TREM1: variants seen among roughly 807,000 people sequenced by gnomAD.
TREM1 encodes the protein triggering receptor expressed on myeloid cells 1, also known as triggering receptor expressed on monocytes 1.
In TREM1, 16 loss-of-function variants were observed where a neutral mutation model predicts 22.4. The ratio of observed to expected loss-of-function variants is 0.71; its 90% CI spans 0.48 to 1.08. The LOEUF is 1.08. Ranked by LOEUF, TREM1 falls within the 50% of genes least tolerant of loss-of-function variation. The pLI is 0.00. For synonymous variants in TREM1, 110 were observed against 111.6 expected (o/e 0.99, Z 0.09); for missense variants, 283 against 282.9 (o/e 1.00, Z 0.00).
At chr6:41,267,749 G>A (rs6458210), downstream of TREM1, among the ~76,000 whole-genome samples, 38,745 of 151,982 alleles carry the variant, frequency 0.25, 7,352 homozygotes, top group African/African-American at 0.54. Context: ...TACACATTAA[G>A]AAAACACATG....
downstream of TREM1, among the ~76,000 whole-genome samples, chr6:41,270,892 A>G (rs1767463752): frequency 6.6e-6 from 1 of 152,158 alleles, no homozygotes. Context: ...CTTTCTAGAA[A>G]CAGGGATCTC....
At chr6:41,267,753 A>G (rs1345620036), downstream of TREM1, among the ~76,000 whole-genome samples, 2 of 152,182 alleles carry the variant, frequency 1.3e-5, no homozygotes, top group Non-Finnish European at 2.9e-5. Flanking sequence ...CATTAAGAAA[A>G]CACATGAAAC....
At chr6:41,283,719 A>AC (rs1554147926) in intron 1 of TREM1, among the ~76,000 whole-genome samples, 11,855 of 146,886 alleles carry the variant, frequency 0.081, 475 homozygotes, top group South Asian at 0.14. Flanking sequence ...TAAAAAAAAA[A>AC]ACACACACAC....
chr6:41,283,456 A>G (rs2113994128), intron 1 of TREM1, among the ~76,000 whole-genome samples: 1 of 152,242 alleles, frequency 6.6e-6, no homozygotes, highest in Middle Eastern at 3.4e-3. Flanking sequence ...CACGCATGTA[A>G]TCCCACACTT....
At chr6:41,273,185 G>C (rs1767533779), downstream of TREM1, among the ~76,000 whole-genome samples, 1 of 152,166 alleles carries the variant, frequency 6.6e-6, no homozygotes, top group African/African-American at 2.4e-5. Flanking sequence ...TAGCATGGTG[G>C]CCTCCAGTAT....
At chr6:41,268,107 G>A (rs1767379233) in intron 3 of TREM1, 2 of 398,444 alleles carry the variant, frequency 5.0e-6, no homozygotes, top group Non-Finnish European at 8.8e-6. Flanking sequence ...TCAAGCGGGG[G>A]AAATGATTGG....
chr6:41,283,278 T>C (rs1266154888), intron 1 of TREM1, among the ~76,000 whole-genome samples: 3 of 152,160 alleles, frequency 2.0e-5, no homozygotes, highest in African/African-American at 7.2e-5. Context: ...CATGGATATC[T>C]GACTGCCTGG....
At chr6:41,273,314 G>A (rs1417090628), downstream of TREM1, among the ~76,000 whole-genome samples, 2 of 152,178 alleles carry the variant, frequency 1.3e-5, no homozygotes, top group African/African-American at 4.8e-5. Context: ...CATCAACTCT[G>A]AGTTACTGAT....
intron 3 of TREM1, chr6:41,279,547 G>A (rs1212444456): frequency 1.0e-6 from 1 of 985,206 alleles, no homozygotes; most frequent in African/African-American, 1.7e-5. Flanking sequence ...TAGATCATTC[G>A]TTTGATTTAT....
intron 1 of TREM1, among the ~76,000 whole-genome samples, chr6:41,284,715 T>C (rs888469954): frequency 7.9e-5 from 12 of 152,090 alleles, no homozygotes; most frequent in African/African-American, 2.9e-4. Flanking sequence ...TGCTTACCCT[T>C]TCATGGAGCC....
chr6:41,283,446 C>T (rs1324038720), intron 1 of TREM1, among the ~76,000 whole-genome samples: 1 of 152,132 alleles, frequency 6.6e-6, no homozygotes, highest in Non-Finnish European at 1.5e-5. Context: ...CACAGTGGCT[C>T]ACGCATGTAA....
chr6:41,275,216 C>T lies in TREM1; in HGVS notation c.*909G>A, dbSNP rs1383422406. ...ATGGGGACAGCCTCCAGAAGCCTCC[C>T]AGGGGGAGAGCTTTTACTCCACCAT... On this transcript the variant is annotated 3_prime_UTR_variant, in exon 4 of 4. Coordinates refer to ENST00000244709, the MANE Select transcript of TREM1 (RefSeq NM_018643.5). The T allele has an allele frequency of 6.6e-6, 1 of 152,120 alleles. No homozygotes were observed. The highest frequency in any genetic ancestry group is 6.5e-5 in the Admixed American group (1 of 15,282). The allele number at this position is 152,120 out of a possible 1,614,324, so 9.4% of individuals were successfully genotyped here.
intron 1 of TREM1, among the ~76,000 whole-genome samples, chr6:41,283,819 C>G (rs901778020): frequency 6.6e-6 from 1 of 152,132 alleles, no homozygotes; most frequent in East Asian, 1.9e-4. Flanking sequence ...AATCAGAGTC[C>G]TCCCTGAGAC....
At chr6:41,277,266 C>G (rs1373576925) in intron 3 of TREM1, among the ~76,000 whole-genome samples, 1 of 152,020 alleles carries the variant, frequency 6.6e-6, no homozygotes, top group Non-Finnish European at 1.5e-5. Flanking sequence ...AAATCCACCC[C>G]CATTCAAGGG....
Position 41,275,933 on chromosome 6 carries a change from G to A in TREM1, c.*192C>T, listed in dbSNP as rs1463179566. 1.7e-6 allele frequency: 1 copy of A among 587,406 alleles called. No homozygotes were observed. The highest frequency in any genetic ancestry group is 1.9e-5 in the African/African-American group (1 of 53,480). 36.4% of individuals were successfully genotyped at this position (587,406 alleles called of 1,614,324 possible). ...GTAACTTCTTTTCTGAGGCACAAAT[G>A]CCCACCCAAGATTATTAGAGGAACG... is the stretch of plus-strand genomic sequence containing the variant. On this transcript the variant is annotated 3_prime_UTR_variant, in exon 4 of 4. Transcript: ENST00000244709.
At chr6:41,267,885 A>T, downstream of TREM1, 1 of 398,480 alleles carries the variant, frequency 2.5e-6, no homozygotes. Flanking sequence ...CTAAAACAAA[A>T]ACACAGCATG....
intron 3 of TREM1, chr6:41,280,278 G>A: frequency 1.0e-6 from 1 of 979,852 alleles, no homozygotes. Context: ...ACTGTAAAGA[G>A]GTGTGAAATT....
At chr6:41,270,699 A>G (rs374721697), downstream of TREM1, among the ~76,000 whole-genome samples, 8 of 152,048 alleles carry the variant, frequency 5.3e-5, no homozygotes, top group East Asian at 1.9e-4. Context: ...TTTCTGGTAC[A>G]CAGTTCTTTT....
At chr6:41,268,052 A>G in exon 4 of TREM1, 1 of 398,654 alleles carries the variant, frequency 2.5e-6, no homozygotes, top group East Asian at 3.6e-5. Context: ...GGGATTCCAC[A>G]TCCAGCCTTC....
Sources: allele counts gnomAD v4.1 joint callset (sites outside exome capture counted in the v4.1 genomes callset), GRCh38; gene constraint gnomAD v4.1.1; transcripts MANE v1.5; gene names NCBI Gene and HGNC (gene_info 2026-07-23, HGNC 2026-07-21).